Variants in DSCAM observed in about 807,000 individuals in gnomAD.
DSCAM encodes cell adhesion molecule DSCAM.
DSCAM carries 47 observed loss-of-function variants against 217.7 expected under a neutral mutation model. That is an observed-to-expected ratio of 0.22 (90% confidence interval 0.17 to 0.28). DSCAM has a LOEUF of 0.28. Among genes scored for constraint, DSCAM ranks in the 10% least tolerant of loss-of-function variants. The pLI, the probability that DSCAM is intolerant of heterozygous loss-of-function variation, is 1.00. For missense variants in DSCAM, 2,080 were observed against 2,618.3 expected (o/e 0.79, Z 4.49); for synonymous variants, 1,056 against 1,015.3 (o/e 1.04, Z -0.76).
rs376404816 is a variant in DSCAM, at chr21:40,473,158, C to T, written c.509-103913G>A. Among the ~76,000 whole-genome samples the T allele has an allele frequency of 2.8e-4, 43 of 152,298 alleles. No homozygotes were observed. In the South Asian group the frequency reaches 8.9e-3, roughly 32 times the overall value. On this transcript the variant is annotated intron_variant, in intron 3 of 32. Coordinates refer to ENST00000400454, the MANE Select transcript of DSCAM (RefSeq NM_001389.5). ...TTTACCTGCAAGCAAGAATTGCCAG[C>T]TACGGCTAGGTAACGGCTCTTAACT...
intron 3 of DSCAM, among the ~76,000 whole-genome samples, chr21:40,611,759 C>T (rs1369034798): frequency 2.0e-5 from 3 of 152,234 alleles, no homozygotes; most frequent in East Asian, 1.9e-4. Context: ...CTGAACCACA[C>T]ACTATGCCCT....
intron 5 of DSCAM, among the ~76,000 whole-genome samples, chr21:40,348,262 T>G (rs112604327): frequency 6.6e-6 from 1 of 152,160 alleles, no homozygotes; most frequent in South Asian, 2.1e-4. Flanking sequence ...ACGGTTCCTA[T>G]CAGCCACATT....
At chr21:40,777,266 A>G (rs1429705017) in intron 1 of DSCAM, among the ~76,000 whole-genome samples, 1 of 152,194 alleles carries the variant, frequency 6.6e-6, no homozygotes, top group Non-Finnish European at 1.5e-5. Context: ...TCACCTCTCA[A>G]AGACTGCACC....
intron 6 of DSCAM, among the ~76,000 whole-genome samples, chr21:40,341,683 T>G (rs531112738): frequency 6.6e-6 from 1 of 152,272 alleles, no homozygotes; most frequent in African/African-American, 2.4e-5. Flanking sequence ...AACATAATAA[T>G]AGAGTATGCA....
chr21:40,665,603 T>A (rs1049948173), intron 3 of DSCAM, among the ~76,000 whole-genome samples: 1 of 152,180 alleles, frequency 6.6e-6, no homozygotes, highest in Non-Finnish European at 1.5e-5. Flanking sequence ...TGTTGTTCAT[T>A]TCCAGCAGGT....
chr21:40,547,442 G>A (rs1250890751), intron 3 of DSCAM, among the ~76,000 whole-genome samples: 1 of 152,102 alleles, frequency 6.6e-6, no homozygotes, highest in East Asian at 1.9e-4. Flanking sequence ...CCAAGTCCTG[G>A]GATTCAGCTG....
At chr21:40,513,076 T>G (rs1243285109) in intron 3 of DSCAM, 1 of 152,170 alleles carries the variant, frequency 6.6e-6, no homozygotes, top group Non-Finnish European at 1.5e-5. Flanking sequence ...ATTTGTTGTA[T>G]TTTTAGTAGA....
chr21:40,188,240 C>T (rs1033419192), intron 12 of DSCAM, among the ~76,000 whole-genome samples: 8 of 152,174 alleles, frequency 5.3e-5, no homozygotes, highest in African/African-American at 2.4e-5. Flanking sequence ...ATAGGATTCA[C>T]GTACATTATC....
intron 3 of DSCAM, among the ~76,000 whole-genome samples, chr21:40,573,155 T>C (rs1341590453): frequency 2.6e-5 from 4 of 151,844 alleles, no homozygotes; most frequent in South Asian, 2.1e-4. Context: ...GGCTAACACA[T>C]TGAAACCCCG....
rs755767800 is a variant in DSCAM at position 40,605,791 on chromosome 21, C to CTTTTTTTTT, written c.508+87010_508+87018dup. Reference sequence around the variant, plus strand: ...CTTATATATGTGCTTAATGCACATTCTTTTTTTTTTTTTTTTTTTTTTTTT... The same window carrying CTTTTTTTTT: ...CTTATATATGTGCTTAATGCACATTCTTTTTTTTTTTTTTTTTTTTTTTTTTTTTTTTTT... On this transcript the variant is annotated intron_variant, in intron 3 of 32. Coordinates refer to ENST00000400454, the MANE Select transcript of DSCAM (RefSeq NM_001389.5). Among the ~76,000 whole-genome samples the CTTTTTTTTT allele has an allele frequency of 7.1e-4, 44 of 62,006 alleles. 8 individuals are homozygous for CTTTTTTTTT. The highest frequency in any genetic ancestry group is 1.5e-3 in the South Asian group (2 of 1,330). 40.7% of individuals were successfully genotyped at this position (62,006 alleles called of 152,430 possible). A position where few individuals can be genotyped will look rare whatever the true frequency, so the allele number is the denominator to read the frequency against.
intron 3 of DSCAM, among the ~76,000 whole-genome samples, chr21:40,510,146 T>C (rs954894635): frequency 6.7e-6 from 1 of 148,404 alleles, no homozygotes; most frequent in Non-Finnish European, 1.5e-5. Flanking sequence ...TCTAAAATTG[T>C]CCCCCCCCAA....
In DSCAM at chr21:40,275,498, T is replaced by G. The variant is rs576295298; in HGVS notation, c.2356+599A>C. ...GTAAAACTGGTTCACTTTATATCCT[T>G]TCCTTGGTTGCCAGTTACCAATGTA... On this transcript the variant is annotated intron_variant, in intron 11 of 32. Coordinates refer to ENST00000400454, the MANE Select transcript of DSCAM (RefSeq NM_001389.5). 2.0e-4 allele frequency among the ~76,000 whole-genome samples: 30 copies of G among 152,312 alleles called. No homozygotes were observed. In the South Asian group the frequency reaches 6.0e-3, roughly 30 times the overall value.
At chr21:40,749,027 C>G (rs964804704) in intron 1 of DSCAM, among the ~76,000 whole-genome samples, 1 of 152,052 alleles carries the variant, frequency 6.6e-6, no homozygotes, top group Non-Finnish European at 1.5e-5. Context: ...TGGATATCCA[C>G]ATGCAGAAGA....
intron 14 of DSCAM, among the ~76,000 whole-genome samples, chr21:40,183,484 G>A (rs1432288754): frequency 1.3e-5 from 2 of 152,340 alleles, no homozygotes; most frequent in South Asian, 2.1e-4. Context: ...GGGGGCAGGA[G>A]ATGATGACAG....
chr21:40,278,620 T>G (rs1035183857), intron 10 of DSCAM, among the ~76,000 whole-genome samples: 2 of 152,032 alleles, frequency 1.3e-5, no homozygotes, highest in East Asian at 3.9e-4. Flanking sequence ...TAGTCTTAGC[T>G]ACTCCCAATG....
intron 3 of DSCAM, among the ~76,000 whole-genome samples, chr21:40,507,829 G>A (rs966794973): frequency 1.3e-5 from 2 of 152,074 alleles, no homozygotes; most frequent in African/African-American, 4.8e-5. Context: ...ACATTCACAG[G>A]AGACTGTTGG....
intron 3 of DSCAM, among the ~76,000 whole-genome samples, chr21:40,578,500 A>G (rs1008554445): frequency 6.6e-6 from 1 of 152,022 alleles, no homozygotes; most frequent in African/African-American, 2.4e-5. Context: ...AAATGGACCA[A>G]TCAGTGCTCT....
chr21:40,168,744 C>T (rs1462017781), intron 15 of DSCAM, among the ~76,000 whole-genome samples: 1 of 152,136 alleles, frequency 6.6e-6, no homozygotes, highest in Admixed American at 6.5e-5. Flanking sequence ...AAGCTCCCTT[C>T]CTTTTTTATA....
intron 3 of DSCAM, among the ~76,000 whole-genome samples, chr21:40,451,655 G>A (rs1225361198): frequency 1.3e-5 from 2 of 152,176 alleles, no homozygotes; most frequent in African/African-American, 2.4e-5. Flanking sequence ...AGCCGCAACT[G>A]TTTCCAGAAC....
Sources: allele counts gnomAD v4.1 joint callset (sites outside exome capture counted in the v4.1 genomes callset), GRCh38; gene constraint gnomAD v4.1.1; transcripts MANE v1.5; gene names NCBI Gene and HGNC (gene_info 2026-07-23, HGNC 2026-07-21).